Variants in CTDSPL observed in about 807,000 individuals in gnomAD.
CTDSPL encodes the protein CTD small phosphatase-like protein.
CTDSPL carries 8 observed loss-of-function variants against 30.5 expected under a neutral mutation model. The ratio of observed to expected loss-of-function variants is 0.26; its 90% CI spans 0.15 to 0.47. The LOEUF (loss-of-function observed/expected upper bound fraction) is 0.47. Ranked by LOEUF, CTDSPL falls within the 20% of genes least tolerant of loss-of-function variation. The pLI is 0.99. For synonymous variants in CTDSPL, 110 were observed against 137.9 expected, an observed-to-expected ratio of 0.80 and a Z score of 1.42; for missense variants, 248 against 366.1, an observed-to-expected ratio of 0.68 and a Z score of 2.63.
At chr3:37,950,405 G>A (rs1388300296) in intron 2 of CTDSPL, among the ~76,000 whole-genome samples, 2 of 152,122 alleles carry the variant, frequency 1.3e-5, no homozygotes, top group Non-Finnish European at 2.9e-5. Flanking sequence ...GAACTGTAAC[G>A]GACAACTCAG....
At position 37,957,093 on chromosome 3, in the gene CTDSPL, T is replaced by C. The variant is rs933403837; in HGVS notation, c.235-18T>C. 2.5e-6 allele frequency: 4 copies of C among 1,597,394 alleles called. No individual in the cohort carries two copies. The highest frequency in any genetic ancestry group is 3.4e-6 in the Non-Finnish European group (4 of 1,169,952). On this transcript the variant is annotated intron_variant, in intron 2 of 7. Coordinates refer to ENST00000273179, the MANE Select transcript of CTDSPL (RefSeq NM_001008392.2). Reference sequence around the variant, plus strand: ...TCTCTTCGAACCTGACAATGATTTTTTTTTTCTTTTTCCTCAGGGTGACCA... The same window carrying C: ...TCTCTTCGAACCTGACAATGATTTTCTTTTTCTTTTTCCTCAGGGTGACCA...
chr3:37,896,883 G>C (rs541709647), intron 1 of CTDSPL, among the ~76,000 whole-genome samples: 1 of 152,108 alleles, frequency 6.6e-6, no homozygotes, highest in East Asian at 1.9e-4. Flanking sequence ...AGGACTTTCA[G>C]GTGGGACCCT....
chr3:37,887,751 G>C (rs76778989), intron 1 of CTDSPL, among the ~76,000 whole-genome samples: 1 of 152,092 alleles, frequency 6.6e-6, no homozygotes, highest in African/African-American at 2.4e-5. Context: ...CTCAGTATGC[G>C]TCTGTGCAGT....
chr3:37,973,891 G>T (rs1361140114), intron 6 of CTDSPL, among the ~76,000 whole-genome samples: 2 of 152,180 alleles, frequency 1.3e-5, no homozygotes, highest in African/African-American at 2.4e-5. Context: ...TGAAAGATAG[G>T]TGCTACCACA....
chr3:37,901,252 G>A (rs773771676), intron 1 of CTDSPL, among the ~76,000 whole-genome samples: 7 of 152,158 alleles, frequency 4.6e-5, no homozygotes, highest in African/African-American at 9.7e-5. Flanking sequence ...ATGCTCCAAA[G>A]GGACCTGGGT....
At chr3:37,963,292 A>G (rs2125630119) in intron 3 of CTDSPL, among the ~76,000 whole-genome samples, 1 of 152,334 alleles carries the variant, frequency 6.6e-6, no homozygotes, top group African/African-American at 2.4e-5. Context: ...CAAGGTGATC[A>G]TTGTACTTGC....
intron 1 of CTDSPL, among the ~76,000 whole-genome samples, chr3:37,908,978 T>A (rs1698549606): frequency 6.6e-6 from 1 of 152,228 alleles, no homozygotes; most frequent in African/African-American, 2.4e-5. Flanking sequence ...CGATATTTAG[T>A]CTTTGTCGTA....
In CTDSPL at chr3:37,946,077, C is replaced by G. The variant is rs368034476; in HGVS notation, c.80-980C>G. On this transcript the variant is annotated intron_variant, in intron 1 of 7. Transcript: ENST00000273179. ...TTTTCCCATTAATCCTAAGCATGGT[C>G]CCTTGCCTGCGGCCTCTTCTCAGTG... Among the ~76,000 whole-genome samples, 17 of 152,130 alleles carry G rather than the reference C, an allele frequency of 1.1e-4. 1 individual carries two copies. Among genetic ancestry groups the G allele is most frequent in the East Asian group, 9.6e-4 (5 of 5,188 alleles).
intron 1 of CTDSPL, among the ~76,000 whole-genome samples, chr3:37,872,766 G>T (rs1381906458): frequency 6.6e-6 from 1 of 151,652 alleles, no homozygotes; most frequent in Non-Finnish European, 1.5e-5. Flanking sequence ...GTAGAGGTGG[G>T]GTTTCACCAC....
intron 1 of CTDSPL, among the ~76,000 whole-genome samples, chr3:37,907,472 G>C (rs1344304640): frequency 1.3e-5 from 2 of 152,170 alleles, no homozygotes; most frequent in Non-Finnish European, 2.9e-5. Context: ...CTTGAGTCTT[G>C]TTCATTTGAC....
Position 37,981,468 on chromosome 3 carries a change from T to C in CTDSPL, c.*601T>C, listed in dbSNP as rs1699492316. 4.8e-6 allele frequency: 1 copy of C among 208,700 alleles called. No individual in the cohort carries two copies. Among genetic ancestry groups the C allele is most frequent in the Non-Finnish European group, 1.0e-5 (1 of 100,344 alleles). 12.9% of individuals were successfully genotyped at this position (208,700 alleles called of 1,614,324 possible). ...GAGCCTGTCCCCCAACAGGTGTGAC[T>C]GCTCTGACAACCTGTGGCATGCTGC... On this transcript the variant is annotated 3_prime_UTR_variant, in exon 8 of 8. Transcript: ENST00000273179.
chr3:37,971,335 T>G, intron 5 of CTDSPL, 72 bp from the exon 6 acceptor site: 1 of 1,339,148 alleles, frequency 7.5e-7, no homozygotes, highest in African/African-American at 1.4e-5. Flanking sequence ...CTTCCTACAG[T>G]GGGCATTTGG....
chr3:37,968,972 G>A (rs151152216), intron 5 of CTDSPL, among the ~76,000 whole-genome samples: 25 of 152,314 alleles, frequency 1.6e-4, no homozygotes, highest in Admixed American at 4.6e-4. Context: ...AAACAGTCCC[G>A]GGGAGAGGCA....
At chr3:37,911,775 A>G in intron 1 of CTDSPL, 1 of 455,670 alleles carries the variant, frequency 2.2e-6, no homozygotes, top group South Asian at 1.6e-5. Flanking sequence ...GAGAAGGAGG[A>G]CAGCCAGGCG....
intron 1 of CTDSPL, among the ~76,000 whole-genome samples, chr3:37,875,251 GC>G (rs1215050519): frequency 6.6e-6 from 1 of 152,192 alleles, no homozygotes; most frequent in Non-Finnish European, 1.5e-5. Context: ...ATAAGCAGTG[GC>G]CTTTCTGGAT....
At position 37,881,543 on chromosome 3, in the gene CTDSPL, A is replaced by T. The variant is rs572599871; in HGVS notation, c.79+19265A>T. 2.0e-5 allele frequency among the ~76,000 whole-genome samples: 3 copies of T among 152,342 alleles called. No homozygotes were observed. The East Asian group carries it at 5.8e-4, about 29-fold the overall frequency. On this transcript the variant is annotated intron_variant, in intron 1 of 7. Coordinates refer to ENST00000273179, the MANE Select transcript of CTDSPL (RefSeq NM_001008392.2). ...GACTCCGTCTCAAAAAAATAAAAAT[A>T]AAAATCCTAGATAAATAAATTGATA...
At position 37,981,060 on chromosome 3, in the gene CTDSPL, A is replaced by C; in HGVS notation, c.*193A>C. 2.0e-6 allele frequency: 1 copy of C among 512,794 alleles called. No homozygotes were observed. The highest frequency in any genetic ancestry group is 3.0e-6 in the Non-Finnish European group (1 of 328,892). 31.8% of individuals were successfully genotyped at this position (512,794 alleles called of 1,614,324 possible). On this transcript the variant is annotated 3_prime_UTR_variant, in exon 8 of 8. Transcript: ENST00000273179. ...CTATTTTAAAAGAACTCTTTTAAGA[A>C]ATTTCATAAAGGGACATGCATTTTA...
At position 37,898,317 on chromosome 3, in the gene CTDSPL, G is replaced by C. The variant is rs534975106; in HGVS notation, c.79+36039G>C. ...GGAAAATGAAGAGTGCTGCATCAGA[G>C]ACTTTCTTCCATTTTAAGAATACTG... On this transcript the variant is annotated intron_variant, in intron 1 of 7. Coordinates refer to ENST00000273179, the MANE Select transcript of CTDSPL (RefSeq NM_001008392.2). Among the ~76,000 whole-genome samples, 28 of 152,246 alleles carry C rather than the reference G, an allele frequency of 1.8e-4. No homozygotes were observed. The East Asian group carries it at 4.4e-3, about 24-fold the overall frequency.
intron 1 of CTDSPL, among the ~76,000 whole-genome samples, chr3:37,893,106 C>T (rs191820680): frequency 9.2e-5 from 14 of 152,342 alleles, no homozygotes; most frequent in Admixed American, 8.5e-4. Context: ...GTGGAGTGGA[C>T]TTCCTGCTGC....
Sources: gnomAD v4.1 joint callset for allele counts (sites outside exome capture counted in the v4.1 genomes callset) on GRCh38, gnomAD v4.1.1 for gene constraint, MANE v1.5 for transcripts, NCBI Gene and HGNC (gene_info 2026-07-23, HGNC 2026-07-21) for gene names.